The following ARL10 variants were observed in gnomAD, a reference collection of about 807,000 sequenced individuals.
ARL10 encodes the protein ARF like GTPase 10.
ARL10 carries 23 observed loss-of-function variants against 26.1 expected under a neutral mutation model. The observed-to-expected ratio is 0.88, with a 90% CI of 0.63 to 1.25. The LOEUF is 1.25. Among genes scored for constraint, ARL10 ranks in the 50% most tolerant of loss-of-function variants. ARL10 has a pLI of 0.00. For synonymous variants in ARL10, 138 were observed against 149.1 expected, an observed-to-expected ratio of 0.93 and a Z score of 0.54; for missense variants, 300 against 323.6, an observed-to-expected ratio of 0.93 and a Z score of 0.56.
downstream of ARL10, chr5:176,382,012 GAA>G (rs1755567467): frequency 6.6e-6 from 1 of 152,284 alleles, no homozygotes; most frequent in Non-Finnish European, 1.5e-5. Flanking sequence ...TACTGGTACA[GAA>G]TGTAGGTGTC....
downstream of ARL10, among the ~76,000 whole-genome samples, chr5:176,405,397 G>A (rs1757050207): frequency 6.7e-6 from 1 of 149,974 alleles, no homozygotes; most frequent in Non-Finnish European, 1.5e-5. Context: ...GCTGAGGCAG[G>A]AGGATCACTT....
intron 1 of ARL10, among the ~76,000 whole-genome samples, chr5:176,387,962 A>G (rs1449808066): frequency 2.0e-5 from 3 of 152,218 alleles, no homozygotes; most frequent in African/African-American, 7.2e-5. Context: ...AAAAAGATAA[A>G]TTAAGGAAAA....
chr5:176,385,130 G>C, downstream of ARL10: 1 of 792,288 alleles, frequency 1.3e-6, no homozygotes, highest in Non-Finnish European at 2.3e-6. Context: ...CTTTGCACTC[G>C]GTTTCAGGAA....
rs749169901 is a variant in ARL10, at chr5:176,388,531, C to T, written c.*33C>T. ...TCTGCCTCCGGGTTTTGCCCTTGGC[C>T]TTGGGCATCGCGCTGACCACCGCAC... is the stretch of plus-strand genomic sequence containing the variant. On this transcript the variant is annotated 3_prime_UTR_variant, in exon 2 of 2. Coordinates refer to the ARL10 transcript ENST00000503175. 37 of 1,611,056 alleles carry T rather than the reference C, an allele frequency of 2.3e-5. No homozygotes were observed. The African/African-American group carries it at 4.3e-4, about 19-fold the overall frequency.
At chr5:176,413,885 C>T in the ARL10 span, among the ~76,000 whole-genome samples, 1 of 152,174 alleles carries the variant, frequency 6.6e-6, no homozygotes, top group Admixed American at 6.5e-5. Flanking sequence ...GGGAGACCCT[C>T]AGAAGGCTGT....
rs1768566051 is a variant in ARL10, at chr5:176,372,122, A to T, written c.*227A>T. 1.4e-6 allele frequency: 2 copies of T among 1,387,460 alleles called. No homozygotes were observed. The highest frequency in any genetic ancestry group is 1.9e-6 in the Non-Finnish European group (2 of 1,065,344). The allele number at this position is 1,387,460 out of a possible 1,614,324, so 85.9% of individuals were successfully genotyped here. A position where few individuals can be genotyped will look rare whatever the true frequency, so the allele number is the denominator to read the frequency against. On this transcript the variant is annotated 3_prime_UTR_variant, in exon 4 of 4. Transcript: ENST00000310389. ...GAGGTGGGTGAGACAGAGGGTGGGG[A>T]GGATAGTGTCTGGCTCATTCCAGGC... is the stretch of plus-strand genomic sequence containing the variant.
At chr5:176,395,948 G>A (rs187092676) in intron 1 of ARL10, among the ~76,000 whole-genome samples, 194 of 152,126 alleles carry the variant, frequency 1.3e-3, no homozygotes, top group African/African-American at 4.4e-3. Flanking sequence ...CAGCCTGGCC[G>A]ACATGGTGAA....
rs773652521 is a variant in ARL10, at chr5:176,365,578, G to T, written c.15G>T (p.Pro5=). 3 of 1,237,250 alleles carry T rather than the reference G, an allele frequency of 2.4e-6. No individual in the cohort carries two copies. The highest frequency in any genetic ancestry group is 3.2e-5 in the East Asian group (1 of 31,400). 76.6% of individuals were successfully genotyped at this position (1,237,250 alleles called of 1,614,324 possible). A position where few individuals can be genotyped will look rare whatever the true frequency, so the allele number is the denominator to read the frequency against. The change falls in exon 1 of 4, where the codon CCG becomes CCT. Residue 5 remains proline (P), a synonymous_variant. Transcript: ENST00000310389. ...CGCCCGGCCCGATGGCGCCGCGGCC[G>T]CTGGGCCCCTTGGTGCTGGCGCTGG... MAPR[P]LGPLVLALGG...
chr5:176,396,183 A>AGAGG (rs1389250425), intron 1 of ARL10, among the ~76,000 whole-genome samples: 1 of 152,108 alleles, frequency 6.6e-6, no homozygotes, highest in Non-Finnish European at 1.5e-5. Context: ...GAGACATCAC[A>AGAGG]GAGGGAGGGA....
intron 3 of ARL10, among the ~76,000 whole-genome samples, chr5:176,370,055 G>C (rs1196365400): frequency 6.6e-6 from 1 of 152,018 alleles, no homozygotes; most frequent in Non-Finnish European, 1.5e-5. Flanking sequence ...CTCTAGATCA[G>C]AGAGCTGAAG....
intron 1 of ARL10, chr5:176,397,743 G>T (rs1756614957): frequency 1.2e-6 from 2 of 1,601,994 alleles, no homozygotes; most frequent in Admixed American, 1.7e-5. Flanking sequence ...GAGAATGAGT[G>T]GCTGCTTTCC....
the ARL10 span, among the ~76,000 whole-genome samples, chr5:176,413,609 G>A: frequency 6.6e-6 from 1 of 152,242 alleles, no homozygotes; most frequent in African/African-American, 2.4e-5. Flanking sequence ...AGGTGCCTCA[G>A]AGGTACTGAC....
intron 1 of ARL10, chr5:176,397,793 C>T: frequency 6.6e-7 from 1 of 1,523,634 alleles, no homozygotes; most frequent in Non-Finnish European, 9.1e-7. Context: ...CTCCCCTGGC[C>T]CCTGCCAGGC....
downstream of ARL10, among the ~76,000 whole-genome samples, chr5:176,402,533 G>A (rs1472839642): frequency 1.3e-5 from 2 of 151,932 alleles, no homozygotes; most frequent in Non-Finnish European, 2.9e-5. Flanking sequence ...CCTGCCTCCT[G>A]ATTGAGGCCT....
downstream of ARL10, chr5:176,385,415 C>T (rs1003724854): frequency 2.5e-6 from 2 of 804,296 alleles, no homozygotes; most frequent in African/African-American, 3.4e-5. Context: ...TCACCCACTC[C>T]CAAGCCACAA....
the ARL10 span, chr5:176,410,302 A>G: frequency 6.2e-7 from 1 of 1,613,862 alleles, no homozygotes; most frequent in Non-Finnish European, 8.5e-7. Context: ...CCTCAGAACC[A>G]GCTGGAAAGA....
chr5:176,385,350 G>A (rs751514517), downstream of ARL10: 6 of 1,374,832 alleles, frequency 4.4e-6, 1 homozygote, highest in East Asian at 4.6e-5. Flanking sequence ...GAGAAGCGGG[G>A]AGACAGGGAA....
rs1322652766 is a variant in ARL10, at chr5:176,379,582, T to C, written c.*7687T>C. On this transcript the variant is annotated 3_prime_UTR_variant, in exon 4 of 4. Coordinates refer to ENST00000310389, the MANE Select transcript of ARL10 (RefSeq NM_173664.6). ...TCCTGGTTATATTTCTTAATTAGAC[T>C]GCGAAGTTCTGAATGAAGTCCTTTT... 6.6e-6 allele frequency: 1 copy of C among 152,250 alleles called. No homozygotes were observed. The highest frequency in any genetic ancestry group is 2.4e-5 in the African/African-American group (1 of 41,464). 9.4% of individuals were successfully genotyped at this position (152,250 alleles called of 1,614,324 possible).
intron 1 of ARL10, chr5:176,396,376 G>T (rs1456895425): frequency 1.9e-6 from 2 of 1,074,062 alleles, no homozygotes; most frequent in African/African-American, 1.6e-5. Flanking sequence ...ATTGCTCCGA[G>T]CCCAGCCACA....
Sources: allele counts gnomAD v4.1 joint callset (sites outside exome capture counted in the v4.1 genomes callset), GRCh38; gene constraint gnomAD v4.1.1; transcripts MANE v1.5; gene names NCBI Gene and HGNC (gene_info 2026-07-23, HGNC 2026-07-21).